The following TNNI3K variants were observed in gnomAD, a reference collection of about 807,000 sequenced individuals.
TNNI3K encodes the protein serine/threonine-protein kinase TNNI3K.
Under a neutral mutation model 114.5 loss-of-function variants are expected in TNNI3K, and 140 were observed. The ratio of observed to expected loss-of-function variants is 1.22; its 90% CI spans 1.07 to 1.41. TNNI3K has a LOEUF of 1.41. Among genes scored for constraint, TNNI3K ranks in the 40% most tolerant of loss-of-function variants. TNNI3K has a pLI of 0.00. For missense variants in TNNI3K, 1,125 were observed against 1,007.6 expected (o/e 1.12, Z -1.58); for synonymous variants, 347 against 347.5 (o/e 1.00, Z 0.02).
At chr1:74,242,300 G>A (rs1398355424) in intron 2 of TNNI3K, among the ~76,000 whole-genome samples, 1 of 152,092 alleles carries the variant, frequency 6.6e-6, no homozygotes, top group Non-Finnish European at 1.5e-5. Context: ...TCAAAAGAAT[G>A]CTCTGTTCCA....
rs373443362 is a variant in TNNI3K, at chr1:74,463,159, A to C, written c.2012-282A>C. Among the ~76,000 whole-genome samples the C allele has an allele frequency of 9.2e-5, 14 of 152,328 alleles. No homozygotes were observed. The South Asian group carries it at 2.9e-3, about 32-fold the overall frequency. On this transcript the variant is annotated intron_variant, in intron 20 of 24. Coordinates refer to ENST00000326637, the MANE Select transcript of TNNI3K (RefSeq NM_015978.3). ...ATATCATGTACATACCCTATACTTC[A>C]GACAAACAAAACTACTTGCTCCTTG...
chr1:74,360,232 A>G (rs1404922984), intron 11 of TNNI3K, among the ~76,000 whole-genome samples: 1 of 151,898 alleles, frequency 6.6e-6, no homozygotes, highest in African/African-American at 2.4e-5. Flanking sequence ...AGATATATTC[A>G]AGGTGCAAAT....
At chr1:74,509,370 A>C (rs749433672) in intron 23 of TNNI3K, among the ~76,000 whole-genome samples, 8 of 152,254 alleles carry the variant, frequency 5.3e-5, no homozygotes, top group Non-Finnish European at 1.2e-4. Context: ...AAATAAAGCG[A>C]TAGTCAATTG....
chr1:74,304,535 C>T (rs762327046), intron 5 of TNNI3K, among the ~76,000 whole-genome samples: 1 of 152,130 alleles, frequency 6.6e-6, no homozygotes, highest in Non-Finnish European at 1.5e-5. Context: ...CTTGAACTAC[C>T]AGGCTCACAT....
At chr1:74,526,693 C>G (rs1438612733) in intron 23 of TNNI3K, among the ~76,000 whole-genome samples, 1 of 152,188 alleles carries the variant, frequency 6.6e-6, no homozygotes, top group African/African-American at 2.4e-5. Flanking sequence ...TAACATTCCT[C>G]TCCTAGGAGA....
chr1:74,299,473 T>C (rs1490151932), intron 5 of TNNI3K, among the ~76,000 whole-genome samples: 1 of 152,148 alleles, frequency 6.6e-6, no homozygotes, highest in African/African-American at 2.4e-5. Flanking sequence ...GGCTGAACTA[T>C]TGTGAAATAA....
At chr1:74,530,814 A>G (rs1275084787) in intron 23 of TNNI3K, among the ~76,000 whole-genome samples, 1 of 151,994 alleles carries the variant, frequency 6.6e-6, no homozygotes, top group East Asian at 1.9e-4. Flanking sequence ...TTAGCAGTCA[A>G]GGCATGCAAA....
At chr1:74,448,459 T>C (rs1294165219) in intron 20 of TNNI3K, among the ~76,000 whole-genome samples, 2 of 145,164 alleles carry the variant, frequency 1.4e-5, no homozygotes, top group African/African-American at 5.4e-5. Flanking sequence ...TTTATTTCCT[T>C]CTCCTGCCTA....
At chr1:74,355,112 AT>A (rs568361913) in intron 11 of TNNI3K, among the ~76,000 whole-genome samples, 67 of 152,330 alleles carry the variant, frequency 4.4e-4, no homozygotes, top group Admixed American at 4.3e-3. Flanking sequence ...CTATAAAAAA[AT>A]GCCAGATTTT....
intron 2 of TNNI3K, among the ~76,000 whole-genome samples, chr1:74,237,049 A>G (rs1002353047): frequency 1.3e-5 from 2 of 151,974 alleles, no homozygotes; most frequent in African/African-American, 4.8e-5. Flanking sequence ...ACACATCTTT[A>G]AAATAAAATT....
intron 5 of TNNI3K, among the ~76,000 whole-genome samples, chr1:74,322,466 T>G (rs1659670433): frequency 6.6e-6 from 1 of 150,946 alleles, no homozygotes; most frequent in South Asian, 2.1e-4. Context: ...TCTACCTTTT[T>G]TTTTTTTTTT....
intron 23 of TNNI3K, among the ~76,000 whole-genome samples, chr1:74,528,909 A>C (rs944342331): frequency 1.3e-5 from 2 of 152,228 alleles, no homozygotes; most frequent in East Asian, 1.9e-4. Flanking sequence ...GGTACAAAAC[A>C]AGAAAATAAG....
In TNNI3K at chr1:74,250,723, G is replaced by C; in HGVS notation, c.287G>C (p.Arg96Pro). 3 of 1,613,012 alleles carry C rather than the reference G, an allele frequency of 1.9e-6. No homozygotes were observed. The highest frequency in any genetic ancestry group is 1.7e-5 in the Admixed American group (1 of 59,820). The change falls in exon 4 of 25, where the codon CGA becomes CCA. Residue 96 changes from arginine to proline, a missense_variant. Arg to Pro is a moderately radical substitution (Grantham distance 103, BLOSUM62 -2). Transcript: ENST00000326637. ...ATGTTGAAAGGGCTCCGCCCATCTC[G>C]ACTGACAAGAAATGGATTTACAGCC... ...TLMLKGLRPS[R>P]LTRNGFTALH...
At chr1:74,469,855 T>C (rs937323674) in intron 21 of TNNI3K, 1 of 400,448 alleles carries the variant, frequency 2.5e-6, no homozygotes, top group Non-Finnish European at 4.4e-6. Flanking sequence ...AAAAGGATTA[T>C]TATTTGAGTT....
At chr1:74,432,240 AT>A (rs1288375862) in intron 17 of TNNI3K, among the ~76,000 whole-genome samples, 2 of 152,112 alleles carry the variant, frequency 1.3e-5, no homozygotes, top group African/African-American at 4.8e-5. Context: ...AATTTTGCTG[AT>A]TTGCCAGATT....
chr1:74,522,006 G>A (rs571565514), intron 23 of TNNI3K, among the ~76,000 whole-genome samples: 3 of 152,268 alleles, frequency 2.0e-5, no homozygotes, highest in East Asian at 1.9e-4. Flanking sequence ...AAATTCAGAT[G>A]AGGGAGATAT....
intron 20 of TNNI3K, among the ~76,000 whole-genome samples, chr1:74,442,100 A>G (rs573767208): frequency 6.6e-6 from 1 of 151,870 alleles, no homozygotes; most frequent in South Asian, 2.1e-4. Context: ...TATTTATAAG[A>G]TCTATTTTGA....
intron 4 of TNNI3K, among the ~76,000 whole-genome samples, chr1:74,265,804 T>A (rs1655943387): frequency 6.6e-6 from 1 of 151,916 alleles, no homozygotes; most frequent in South Asian, 2.1e-4. Context: ...GTCGCAAATG[T>A]AGGAAGTGCC....
At chr1:74,359,882 T>C (rs1358651660) in intron 11 of TNNI3K, among the ~76,000 whole-genome samples, 1 of 151,910 alleles carries the variant, frequency 6.6e-6, no homozygotes, top group East Asian at 1.9e-4. Flanking sequence ...ACATTTTTTT[T>C]TGTCCTCATG....
Sources: allele counts gnomAD v4.1 joint callset (sites outside exome capture counted in the v4.1 genomes callset), GRCh38; gene constraint gnomAD v4.1.1; transcripts MANE v1.5; gene names NCBI Gene and HGNC (gene_info 2026-07-23, HGNC 2026-07-21).